NUDT5: variants seen among roughly 807,000 people sequenced by gnomAD.
NUDT5 encodes the protein nudix hydrolase 5.
NUDT5 carries 21 observed loss-of-function variants against 34.1 expected under a neutral mutation model. The ratio of observed to expected loss-of-function variants is 0.62; its 90% CI spans 0.44 to 0.89. The LOEUF is 0.89. NUDT5 is among the 40% of genes least tolerant of loss of function. The pLI is 0.00. For synonymous variants in NUDT5, 85 were observed against 97.6 expected, an observed-to-expected ratio of 0.87 and a Z score of 0.76; for missense variants, 249 against 274.8, an observed-to-expected ratio of 0.91 and a Z score of 0.66.
At chr10:12,178,912 G>C in intron 4 of NUDT5, 171 bp downstream of exon 4, 2 of 625,872 alleles carry the variant, frequency 3.2e-6, no homozygotes, top group Middle Eastern at 2.7e-4. Flanking sequence ...ACAGAAGCCA[G>C]AAGTTACTTA....
Position 12,181,360 on chromosome 10 carries a change from G to A in NUDT5, c.132-2228C>T, listed in dbSNP as rs925496698. Among the ~76,000 whole-genome samples, 4 of 152,168 alleles carry A rather than the reference G, an allele frequency of 2.6e-5. No individual in the cohort carries two copies. The highest frequency in any genetic ancestry group is 6.5e-5 in the Admixed American group (1 of 15,276). On this transcript the variant is annotated intron_variant, in intron 3 of 9. Transcript: ENST00000491614. The surrounding 1 kb of genome is among the most constrained non-coding windows in gnomAD (Gnocchi z 5.0). ...TGCAGGGGGTCCTGGAACCAACCCC[G>A]ACAGACACCAAGTGACAGCTGTACA...
intron 1 of NUDT5, 137 bp downstream of exon 1, chr10:12,195,633 C>T: frequency 6.5e-6 from 1 of 152,892 alleles, no homozygotes; most frequent in Non-Finnish European, 1.5e-5. Context: ...CCCTCTTGGG[C>T]GCCTGGACGC....
At chr10:12,172,460 T>G (rs1834874208) in intron 7 of NUDT5, 1 of 362,656 alleles carries the variant, frequency 2.8e-6, no homozygotes, top group East Asian at 5.7e-5. Context: ...GTGATTTAAG[T>G]TTCTCACTGT....
chr10:12,195,332 T>G (rs1298026709), intron 1 of NUDT5, among the ~76,000 whole-genome samples: 3 of 152,066 alleles, frequency 2.0e-5, no homozygotes, highest in Admixed American at 2.0e-4. Flanking sequence ...AAAATCTGCG[T>G]TTTTTCCAGG....
At chr10:12,189,272 A>G (rs1168194761) in intron 1 of NUDT5, among the ~76,000 whole-genome samples, 1 of 151,938 alleles carries the variant, frequency 6.6e-6, no homozygotes, top group Non-Finnish European at 1.5e-5. Context: ...CACCCGGCTA[A>G]TTTTTACATT....
chr10:12,185,885 T>C (rs781229867), intron 2 of NUDT5, among the ~76,000 whole-genome samples: 4 of 152,248 alleles, frequency 2.6e-5, no homozygotes, highest in Non-Finnish European at 5.9e-5. Flanking sequence ...TAAACACTCA[T>C]GTTAGGCCAT....
chr10:12,166,812 GAACTGCTAGAT>G lies in NUDT5; in HGVS notation c.*879_*889del. On this transcript the variant is annotated 3_prime_UTR_variant, in exon 10 of 10. Coordinates refer to ENST00000491614, the MANE Select transcript of NUDT5 (RefSeq NM_014142.4). ...AGAAAATGGCCCAGGAACACTGGTA[GAACTGCTAGAT>G]GACAGGGTTTCAGGCATGGGAACCA... is the stretch of plus-strand genomic sequence containing the variant. 2 of 469,074 alleles carry G rather than the reference GAACTGCTAGAT, an allele frequency of 4.3e-6. No individual in the cohort carries two copies. The highest frequency in any genetic ancestry group is 3.1e-5 in the South Asian group (2 of 63,962). The allele number at this position is 469,074 out of a possible 1,614,324, so 29.1% of individuals were successfully genotyped here.
intron 1 of NUDT5, among the ~76,000 whole-genome samples, chr10:12,191,784 T>A (rs1411347558): frequency 6.6e-6 from 1 of 152,178 alleles, no homozygotes; most frequent in African/African-American, 2.4e-5. Context: ...TACAGCCCTC[T>A]ACAGAAAGGG....
Position 12,173,687 on chromosome 10 carries a change from A to G in NUDT5, c.385+31T>C, listed in dbSNP as rs1834898907. On this transcript the variant is annotated intron_variant, in intron 6 of 9. Coordinates refer to ENST00000491614, the MANE Select transcript of NUDT5 (RefSeq NM_014142.4). The surrounding 1 kb of genome is among the most constrained non-coding windows in gnomAD (Gnocchi z 4.7). ...AATCCCTTCCCAGACGGAGGAATCC[A>G]TCACTTGGTGAATTTTCAAGCAATA... 1 of 1,475,282 alleles carries G rather than the reference A, an allele frequency of 6.8e-7. No individual in the cohort carries two copies. Among genetic ancestry groups the G allele is most frequent in the Non-Finnish European group, 9.5e-7 (1 of 1,053,672 alleles). 91.4% of individuals were successfully genotyped at this position (1,475,282 alleles called of 1,614,324 possible).
intron 1 of NUDT5, among the ~76,000 whole-genome samples, chr10:12,192,278 T>C (rs1398915318): frequency 6.6e-6 from 1 of 150,664 alleles, no homozygotes; most frequent in Non-Finnish European, 1.5e-5. Context: ...CACTCCAGCA[T>C]GGTGACAGAG....
rs779410648 is a variant in NUDT5, at chr10:12,186,255, C to T, written c.37G>A (p.Gly13Ser). Reference protein sequence around the residue: ...SQEPTESSQNGKQYIISEELI... With the variant: ...SQEPTESSQNSKQYIISEELI... Reference sequence around the variant, plus strand: ...TCCTCTGAAATGATATACTGTTTGCCATTCTGAGAAGATTCCGTTGGTTCT... The same window carrying T: ...TCCTCTGAAATGATATACTGTTTGCTATTCTGAGAAGATTCCGTTGGTTCT... The change falls in exon 2 of 10, where the codon GGC becomes AGC. Residue 13 changes from glycine to serine, a missense_variant. Coordinates refer to ENST00000491614, the MANE Select transcript of NUDT5 (RefSeq NM_014142.4). 1.9e-6 allele frequency: 3 copies of T among 1,613,860 alleles called. No homozygotes were observed. Among genetic ancestry groups the T allele is most frequent in the Non-Finnish European group, 2.5e-6 (3 of 1,179,726 alleles).
intron 5 of NUDT5, among the ~76,000 whole-genome samples, chr10:12,176,420 A>T (rs1468091207): frequency 6.6e-6 from 1 of 151,358 alleles, no homozygotes; most frequent in Non-Finnish European, 1.5e-5. Flanking sequence ...TCTGGTGAAC[A>T]TGGTGAGAGC....
At position 12,172,965 on chromosome 10, in the gene NUDT5, G is replaced by GCT. The variant is rs1834884752; in HGVS notation, c.386-100_386-99insAG. Reference sequence around the variant, plus strand: ...GCGTCCCGCAGCTCAGCATTGACGTGGAGGTGATGCGGGAAAACTAGTTCT... The same window carrying GCT: ...GCGTCCCGCAGCTCAGCATTGACGTGCTGAGGTGATGCGGGAAAACTAGTTCT... On this transcript the variant is annotated intron_variant, in intron 6 of 9. Coordinates refer to ENST00000491614, the MANE Select transcript of NUDT5 (RefSeq NM_014142.4). 6 of 847,006 alleles carry GCT rather than the reference G, an allele frequency of 7.1e-6. No homozygotes were observed. In the East Asian group the frequency reaches 7.7e-5, roughly 11 times the overall value. 52.5% of individuals were successfully genotyped at this position (847,006 alleles called of 1,614,324 possible).
rs1231217649 is a variant in NUDT5, at chr10:12,170,337, G to C, written c.550+380C>G. On this transcript the variant is annotated intron_variant, in intron 9 of 9. Transcript: ENST00000491614. The surrounding 1 kb of genome is among the most constrained non-coding windows in gnomAD (Gnocchi z 4.9). ...TCCTTGAACATACAGCCTCCACAAAGGACCATCCCTCATACTAGCATACTT... is the reference window on the plus strand; with the variant it reads ...TCCTTGAACATACAGCCTCCACAAACGACCATCCCTCATACTAGCATACTT... 1 of 792,302 alleles carries C rather than the reference G, an allele frequency of 1.3e-6. No individual in the cohort carries two copies. The highest frequency in any genetic ancestry group is 2.5e-5 in the East Asian group (1 of 39,832). The allele number at this position is 792,302 out of a possible 1,614,324, so 49.1% of individuals were successfully genotyped here. A position where few individuals can be genotyped will look rare whatever the true frequency, so the allele number is the denominator to read the frequency against.
In NUDT5 at chr10:12,166,826, C is replaced by T. The variant is rs925917851; in HGVS notation, c.*876G>A. ...GAACACTGGTAGAACTGCTAGATGA[C>T]AGGGTTTCAGGCATGGGAACCAGAT... On this transcript the variant is annotated 3_prime_UTR_variant, in exon 10 of 10. Transcript: ENST00000491614. The T allele has an allele frequency of 8.7e-6, 4 of 458,864 alleles. No homozygotes were observed. Among genetic ancestry groups the T allele is most frequent in the African/African-American group, 8.1e-5 (4 of 49,286 alleles). 28.4% of individuals were successfully genotyped at this position (458,864 alleles called of 1,614,324 possible).
Position 12,167,728 on chromosome 10 carries a change from A to G in NUDT5, c.634T>C (p.Phe212Leu). Residue 212 changes from phenylalanine (F) to leucine (L), a missense_variant, in exon 10 of 10, where the codon TTT becomes CTT. Coordinates refer to ENST00000491614, the MANE Select transcript of NUDT5 (RefSeq NM_014142.4). ...TAAAATTTCAAGAAGGGCACTTCAA[A>G]TGGCTTTGCATTTGCATGTTTCAGT... ...LALKHANAKP[F>L]EVPFLKF The G allele has an allele frequency of 6.2e-7, 1 of 1,614,160 alleles. No homozygotes were observed. Among genetic ancestry groups the G allele is most frequent in the Non-Finnish European group, 8.5e-7 (1 of 1,180,006 alleles).
In NUDT5 at chr10:12,182,372, A is replaced by G. The variant is rs1015150936; in HGVS notation, c.131+2517T>C. Among the ~76,000 whole-genome samples, 2 of 152,244 alleles carry G rather than the reference A, an allele frequency of 1.3e-5. No homozygotes were observed. The highest frequency in any genetic ancestry group is 2.9e-5 in the Non-Finnish European group (2 of 68,044). On this transcript the variant is annotated intron_variant, in intron 3 of 9. Transcript: ENST00000491614. The surrounding 1 kb of genome is among the most constrained non-coding windows in gnomAD (Gnocchi z 4.3). ...GCTCAACCTGTACACGCAGGCTTTT[A>G]TATCAGGTCAGAGATAACACATCCT...
Position 12,170,604 on chromosome 10 carries a change from G to A in NUDT5, c.550+113C>T. ...CAGTTTTACAAGTTGCTAGGCATTTGACTTTAGTGATACAAAAAAGATAAA... is the reference window on the plus strand; with the variant it reads ...CAGTTTTACAAGTTGCTAGGCATTTAACTTTAGTGATACAAAAAAGATAAA... On this transcript the variant is annotated intron_variant, in intron 9 of 9. Coordinates refer to ENST00000491614, the MANE Select transcript of NUDT5 (RefSeq NM_014142.4). This position sits in a 1 kb window ranked among gnomAD's most constrained non-coding sequence, Gnocchi z 4.9. The A allele has an allele frequency of 9.8e-7, 1 of 1,020,886 alleles. No homozygotes were observed. The highest frequency in any genetic ancestry group is 1.5e-6 in the Non-Finnish European group (1 of 650,208). The allele number at this position is 1,020,886 out of a possible 1,614,324, so 63.2% of individuals were successfully genotyped here. A position where few individuals can be genotyped will look rare whatever the true frequency, so the allele number is the denominator to read the frequency against.
intron 2 of NUDT5, 118 bp from the exon 3 acceptor site, chr10:12,185,074 T>G: frequency 1.6e-6 from 1 of 611,038 alleles, no homozygotes; most frequent in East Asian, 2.8e-5. Flanking sequence ...TCATCTTTCC[T>G]TCCCAATAAT....
Sources: allele counts gnomAD v4.1 joint callset (sites outside exome capture counted in the v4.1 genomes callset), GRCh38; gene constraint gnomAD v4.1.1; non-coding constraint Gnocchi (gnomAD v3.1); transcripts MANE v1.5; gene names NCBI Gene and HGNC (gene_info 2026-07-23, HGNC 2026-07-21).